The following ZRANB3 variants were observed in gnomAD, a reference collection of about 807,000 sequenced individuals.
The protein encoded by ZRANB3 is zinc finger RANBP2-type containing 3.
In ZRANB3, 125 loss-of-function variants were observed where a neutral mutation model predicts 133.8. The observed-to-expected ratio is 0.93, with a 90% CI of 0.81 to 1.08. The LOEUF (loss-of-function observed/expected upper bound fraction) is 1.08. Among genes scored for constraint, ZRANB3 ranks in the 50% least tolerant of loss-of-function variants. The pLI, the probability that ZRANB3 is intolerant of heterozygous loss-of-function variation, is 0.00. For missense variants in ZRANB3, 1,229 were observed against 1,275.5 expected (o/e 0.96, Z 0.56); for synonymous variants, 387 against 432.7 (o/e 0.89, Z 1.31).
In ZRANB3 at chr2:135,525,313, T is replaced by C. The variant is rs140441828; in HGVS notation, c.-8+5814A>G. ...CCATCACCTTTTAGATCAGATTGAA[T>C]AGAGTAAAACATGGGAAATGGGTGC... On this transcript the variant is annotated intron_variant, in intron 1 of 20. Transcript: ENST00000264159. 2.6e-4 allele frequency among the ~76,000 whole-genome samples: 40 copies of C among 152,216 alleles called. No homozygotes were observed. In the East Asian group the frequency reaches 7.5e-3, roughly 29 times the overall value.
At chr2:135,357,093 T>C (rs1648247145) in intron 3 of ZRANB3, among the ~76,000 whole-genome samples, 1 of 152,134 alleles carries the variant, frequency 6.6e-6, no homozygotes, top group Admixed American at 6.6e-5. Context: ...CTGATTTTCT[T>C]GATGATGTTG....
At chr2:135,292,463 T>C (rs927826103) in intron 8 of ZRANB3, among the ~76,000 whole-genome samples, 1 of 152,170 alleles carries the variant, frequency 6.6e-6, no homozygotes, top group Non-Finnish European at 1.5e-5. Context: ...TCTTGTAAAT[T>C]TGTTTGAGTG....
chr2:135,293,722 G>T (rs1302911893), intron 8 of ZRANB3, among the ~76,000 whole-genome samples: 4 of 150,106 alleles, frequency 2.7e-5, no homozygotes, highest in South Asian at 4.3e-4. Context: ...GTATGATATT[G>T]GTTGTGGGTT....
At chr2:135,477,372 C>G (rs979398424) in intron 2 of ZRANB3, among the ~76,000 whole-genome samples, 6 of 152,222 alleles carry the variant, frequency 3.9e-5, no homozygotes, top group African/African-American at 1.4e-4. Flanking sequence ...CTACAGAATA[C>G]TCCCTTGACA....
At chr2:135,413,200 A>C (rs1189382581) in intron 2 of ZRANB3, among the ~76,000 whole-genome samples, 1 of 152,160 alleles carries the variant, frequency 6.6e-6, no homozygotes, top group Non-Finnish European at 1.5e-5. Flanking sequence ...AACATTGCTG[A>C]GTAAGGATAT....
intron 3 of ZRANB3, among the ~76,000 whole-genome samples, chr2:135,363,090 T>C (rs1685760761): frequency 6.6e-6 from 1 of 152,274 alleles, no homozygotes; most frequent in Non-Finnish European, 1.5e-5. Flanking sequence ...AAAAGAGGGC[T>C]GTTCTACACT....
At chr2:135,463,051 G>T (rs1046251308) in intron 2 of ZRANB3, among the ~76,000 whole-genome samples, 3 of 152,204 alleles carry the variant, frequency 2.0e-5, no homozygotes, top group Non-Finnish European at 2.9e-5. Flanking sequence ...ATCCAAGCTG[G>T]ATGCAATGGC....
chr2:135,350,850 C>T (rs1026719636), intron 4 of ZRANB3, among the ~76,000 whole-genome samples: 9 of 152,176 alleles, frequency 5.9e-5, no homozygotes. Context: ...ACATCAAGAA[C>T]CATTAAGCTA....
intron 2 of ZRANB3, among the ~76,000 whole-genome samples, chr2:135,493,294 A>C (rs1243674991): frequency 6.7e-6 from 1 of 150,158 alleles, no homozygotes; most frequent in Non-Finnish European, 1.5e-5. Context: ...AAACTTGATG[A>C]AGTTAATTTT....
intron 19 of ZRANB3, among the ~76,000 whole-genome samples, chr2:135,205,719 TATTG>T (rs1693827633): frequency 6.6e-6 from 1 of 152,224 alleles, no homozygotes; most frequent in Admixed American, 6.5e-5. Flanking sequence ...TGAAAGTGAA[TATTG>T]ATGATAGTGT....
intron 4 of ZRANB3, among the ~76,000 whole-genome samples, chr2:135,350,692 C>T: frequency 6.6e-6 from 1 of 152,120 alleles, no homozygotes; most frequent in South Asian, 2.1e-4. Context: ...ACAGACTTAA[C>T]AGGGCTGTTC....
chr2:135,361,470 A>C (rs956963342), intron 3 of ZRANB3, among the ~76,000 whole-genome samples: 10 of 152,244 alleles, frequency 6.6e-5, no homozygotes, highest in African/African-American at 2.2e-4. Flanking sequence ...ATTAAATAAC[A>C]ATTATCCTGA....
chr2:135,493,333 AATACT>A (rs983370962), intron 2 of ZRANB3, among the ~76,000 whole-genome samples: 3 of 150,680 alleles, frequency 2.0e-5, no homozygotes, highest in Non-Finnish European at 3.0e-5. Flanking sequence ...TGTTCATTAG[AATACT>A]ATACTACAAG....
intron 2 of ZRANB3, among the ~76,000 whole-genome samples, chr2:135,424,172 T>A (rs1688975094): frequency 6.6e-6 from 1 of 152,188 alleles, no homozygotes. Context: ...AAGAGAATAC[T>A]AGTAAAATAA....
Position 135,344,764 on chromosome 2 carries a change from A to G in ZRANB3, c.677+786T>C, listed in dbSNP as rs1485001215. Among the ~76,000 whole-genome samples, 3 of 152,196 alleles carry G rather than the reference A, an allele frequency of 2.0e-5. No homozygotes were observed. In the East Asian group the frequency reaches 5.8e-4, roughly 29 times the overall value. ...TGAAAAAAATATGATAAAATAAAATAAAATGAATATCAAAGCTCTTTGAGT... is the reference window on the plus strand; with the variant it reads ...TGAAAAAAATATGATAAAATAAAATGAAATGAATATCAAAGCTCTTTGAGT... On this transcript the variant is annotated intron_variant, in intron 6 of 20. Transcript: ENST00000264159.
At chr2:135,500,217 T>C (rs1428503025) in intron 2 of ZRANB3, among the ~76,000 whole-genome samples, 1 of 151,806 alleles carries the variant, frequency 6.6e-6, no homozygotes, top group Non-Finnish European at 1.5e-5. Flanking sequence ...CAAACTAATA[T>C]AGGCATTATC....
chr2:135,447,845 T>A (rs546776992), intron 2 of ZRANB3, among the ~76,000 whole-genome samples: 1 of 152,322 alleles, frequency 6.6e-6, no homozygotes, highest in African/African-American at 2.4e-5. Flanking sequence ...TGAGTTTTAA[T>A]GAGATTTTGA....
intron 2 of ZRANB3, among the ~76,000 whole-genome samples, chr2:135,446,876 T>G (rs1690045618): frequency 6.6e-6 from 1 of 152,178 alleles, no homozygotes; most frequent in African/African-American, 2.4e-5. Context: ...ATTTTCCTTA[T>G]GAAATTTATT....
At chr2:135,453,473 C>T (rs559909661) in intron 2 of ZRANB3, among the ~76,000 whole-genome samples, 1 of 152,270 alleles carries the variant, frequency 6.6e-6, no homozygotes, top group Non-Finnish European at 1.5e-5. Flanking sequence ...GCTCTGTTTC[C>T]CTTTTAAAAC....
Sources: gnomAD v4.1 joint callset for allele counts (sites outside exome capture counted in the v4.1 genomes callset) on GRCh38, gnomAD v4.1.1 for gene constraint, MANE v1.5 for transcripts, NCBI Gene and HGNC (gene_info 2026-07-23, HGNC 2026-07-21) for gene names.